Variants in SULF1 observed in about 807,000 individuals in gnomAD.
SULF1 encodes the protein sulfatase 1, also known as extracellular sulfatase Sulf-1.
Under a neutral mutation model 110.5 loss-of-function variants are expected in SULF1, and 46 were observed. The observed-to-expected ratio is 0.42, with a 90% CI of 0.33 to 0.53. The LOEUF is 0.53. Ranked by LOEUF, SULF1 falls within the 20% of genes least tolerant of loss-of-function variation. SULF1 has a pLI of 0.12. For synonymous variants in SULF1, 371 were observed against 387.1 expected (o/e 0.96, Z 0.49); for missense variants, 941 against 1,094.2 (o/e 0.86, Z 1.98).
At chr8:69,626,932 G>T (rs963286912) in intron 15 of SULF1, among the ~76,000 whole-genome samples, 1 of 152,358 alleles carries the variant, frequency 6.6e-6, no homozygotes, top group Admixed American at 6.5e-5. Context: ...GTGCAGCAGC[G>T]GGCCGAAGGG....
chr8:69,488,535 G>A (rs1306771030), upstream of SULF1, among the ~76,000 whole-genome samples: 3 of 151,602 alleles, frequency 2.0e-5, no homozygotes. Context: ...ATTTCTATTT[G>A]GAAATAGCCT....
chr8:69,474,917 C>T (rs1809238199), intron 1 of SULF1, among the ~76,000 whole-genome samples: 1 of 152,154 alleles, frequency 6.6e-6, no homozygotes, highest in African/African-American at 2.4e-5. Flanking sequence ...ACAAAAGCTA[C>T]ATTTTTGTTC....
intron 22 of SULF1, 142 bp downstream of exon 22, chr8:69,640,983 A>G: frequency 1.6e-6 from 1 of 619,406 alleles, no homozygotes; most frequent in Non-Finnish European, 2.7e-6. Flanking sequence ...ATTCTCCACT[A>G]TGTTTTGTCA....
intron 5 of SULF1, 106 bp downstream of exon 5, chr8:69,564,253 A>G (rs1815708917): frequency 3.0e-6 from 4 of 1,311,874 alleles, no homozygotes; most frequent in Admixed American, 1.8e-5. Context: ...ATTATTGCAC[A>G]TTAACCAACA....
intron 1 of SULF1, 75 bp from the exon 2 acceptor site, chr8:69,495,690 T>A (rs1269202252): frequency 6.6e-6 from 1 of 152,228 alleles, no homozygotes; most frequent in Admixed American, 6.5e-5. Flanking sequence ...TATGAGCTAG[T>A]AGAATACTTA....
In SULF1 at chr8:69,658,760, C is replaced by T. The variant is rs1206840736; in HGVS notation, c.*225C>T. 3.0e-6 allele frequency: 2 copies of T among 656,654 alleles called. No homozygotes were observed. Among genetic ancestry groups the T allele is most frequent in the East Asian group, 5.9e-5 (2 of 33,684 alleles). 40.7% of individuals were successfully genotyped at this position (656,654 alleles called of 1,614,324 possible). ...CAAAGTGACGGGTTCTTGGTTGTCT[C>T]TGCTGAGCACGCTGTGTCAATGGAG... On this transcript the variant is annotated 3_prime_UTR_variant, in exon 23 of 23. Coordinates refer to ENST00000402687, the MANE Select transcript of SULF1 (RefSeq NM_001128205.2).
intron 18 of SULF1, 143 bp from the exon 19 acceptor site, chr8:69,629,361 A>T: frequency 1.3e-6 from 1 of 795,056 alleles, no homozygotes; most frequent in Non-Finnish European, 1.9e-6. Context: ...ATTCTATTTT[A>T]AGTCCCTCTA....
At chr8:69,624,789 G>A (rs986167816) in intron 15 of SULF1, among the ~76,000 whole-genome samples, 5 of 152,234 alleles carry the variant, frequency 3.3e-5, no homozygotes, top group Non-Finnish European at 7.3e-5. Flanking sequence ...AGGGAAGGCA[G>A]ATGATTCCCT....
chr8:69,564,090 A>G lies in SULF1; in HGVS notation c.115A>G (p.Lys39Glu), dbSNP rs142027500. ...CAGAGGACGGATACAGCAGGAACGA[A>G]AAAACATCCGACCCAACATTATTCT... is the stretch of plus-strand genomic sequence containing the variant. ...RFRGRIQQER[K>E]NIRPNIILVL... The change falls in exon 5 of 23, where the codon AAA becomes GAA. Residue 39 changes from lysine to glutamate, a missense_variant. Around this residue, in one of 3 missense-constraint regions of SULF1, gnomAD observed 822 missense variants for 934.3 expected, o/e 0.88. Coordinates refer to ENST00000402687, the MANE Select transcript of SULF1 (RefSeq NM_001128205.2). 1.2e-6 allele frequency: 2 copies of G among 1,614,216 alleles called. No homozygotes were observed. The highest frequency in any genetic ancestry group is 2.2e-5 in the East Asian group (1 of 44,888).
intron 7 of SULF1, among the ~76,000 whole-genome samples, chr8:69,587,643 A>G (rs75849729): frequency 0.025 from 3,802 of 152,302 alleles, 160 homozygotes; most frequent in African/African-American, 0.084. Context: ...TCATATCCCC[A>G]GCTGTGGATA....
chr8:69,511,043 C>T (rs368941431), intron 3 of SULF1, among the ~76,000 whole-genome samples: 3 of 152,216 alleles, frequency 2.0e-5, no homozygotes, highest in East Asian at 1.9e-4. Context: ...TGCACCCACC[C>T]TCTGGAAACC....
At chr8:69,508,676 T>C (rs1372611998) in intron 3 of SULF1, among the ~76,000 whole-genome samples, 10 of 152,284 alleles carry the variant, frequency 6.6e-5, no homozygotes, top group Admixed American at 3.3e-4. Context: ...ATTTTAAAAT[T>C]ACTAGGTTTT....
chr8:69,518,703 G>A (rs768596562), intron 3 of SULF1, among the ~76,000 whole-genome samples: 3 of 152,134 alleles, frequency 2.0e-5, no homozygotes, highest in Non-Finnish European at 4.4e-5. Flanking sequence ...TGCCTCATGT[G>A]TGATCAATGA....
chr8:69,538,275 C>CTTTTTTTTTT (rs33972358), intron 3 of SULF1, among the ~76,000 whole-genome samples: 10 of 131,114 alleles, frequency 7.6e-5, no homozygotes, highest in African/African-American at 2.0e-4. Context: ...TTTCTGTTGC[C>CTTTTTTTTTT]TTTTTTTTTT....
chr8:69,586,341 T>C lies in SULF1; in HGVS notation c.413-16T>C. On this transcript the variant is annotated splice_polypyrimidine_tract_variant and intron_variant, in intron 6 of 22. Coordinates refer to ENST00000402687, the MANE Select transcript of SULF1 (RefSeq NM_001128205.2). ...TCATTTTACGTGAAAAAAATAATTC[T>C]TTTTTCCCACTGCAGCCTTTTTTGG... The C allele has an allele frequency of 1.3e-5, 20 of 1,548,414 alleles. No homozygotes were observed. The highest frequency in any genetic ancestry group is 1.7e-5 in the Non-Finnish European group (20 of 1,153,456).
At chr8:69,473,160 A>G (rs1223077856) in intron 1 of SULF1, 1 of 152,178 alleles carries the variant, frequency 6.6e-6, no homozygotes, top group Admixed American at 6.5e-5. Context: ...TTAATTAAAA[A>G]AAAAAATGTA....
At chr8:69,512,499 G>T (rs756627001) in intron 3 of SULF1, among the ~76,000 whole-genome samples, 2 of 152,220 alleles carry the variant, frequency 1.3e-5, no homozygotes, top group Admixed American at 1.3e-4. Context: ...CCACTTACCA[G>T]CTTGTGAATC....
At chr8:69,578,363 A>G (rs891819804) in intron 6 of SULF1, among the ~76,000 whole-genome samples, 3 of 152,062 alleles carry the variant, frequency 2.0e-5, no homozygotes, top group Admixed American at 6.6e-5. Context: ...TTATTTTATT[A>G]TTATTATACT....
rs144140464 is a variant in SULF1 at position 69,645,336 on chromosome 8, G to GTA, written c.2585+4498_2585+4499dup. 3.5e-3 allele frequency among the ~76,000 whole-genome samples: 536 copies of GTA among 152,266 alleles called. 8 individuals are homozygous for GTA. In the East Asian group the frequency reaches 0.047, roughly 13 times the overall value. On this transcript the variant is annotated intron_variant, in intron 22 of 22. Transcript: ENST00000402687. The stretch of plus-strand genomic sequence containing the variant: ...TTCTTGTGCCAGAGAAGAAACTAAA[G>GTA]TATAGCACGTGCAGAACTCCTTAAG...
Sources: gnomAD v4.1 joint callset for allele counts (sites outside exome capture counted in the v4.1 genomes callset) on GRCh38, gnomAD v4.1.1 for gene constraint, gnomAD v4.1.1 regional missense constraint, MANE v1.5 for transcripts, NCBI Gene and HGNC (gene_info 2026-07-23, HGNC 2026-07-21) for gene names.